The following PHF11 variants were observed in gnomAD, a reference collection of about 807,000 sequenced individuals.
PHF11 encodes PHD finger protein 11, also known as BRCA1 C-terminus-associated protein.
PHF11 carries 38 observed loss-of-function variants against 40.5 expected under a neutral mutation model. The ratio of observed to expected loss-of-function variants is 0.94; its 90% CI spans 0.72 to 1.23. The LOEUF is 1.23. Among genes scored for constraint, PHF11 ranks in the 50% most tolerant of loss-of-function variants. The pLI is 0.00. For synonymous variants in PHF11, 127 were observed against 138.2 expected, an observed-to-expected ratio of 0.92 and a Z score of 0.57; for missense variants, 369 against 392.4, an observed-to-expected ratio of 0.94 and a Z score of 0.50.
chr13:49,520,906 G>A lies in PHF11; in HGVS notation c.471G>A (p.Gln157=). The A allele has an allele frequency of 6.3e-7, 1 of 1,579,148 alleles. No homozygotes were observed. The highest frequency in any genetic ancestry group is 8.7e-7 in the Non-Finnish European group (1 of 1,155,532). Residue 157 remains glutamine (Q), a synonymous_variant, in exon 5 of 10, where the codon CAG becomes CAA. Transcript: ENST00000378319. ...GVRGIYKLLC[Q]QHAQFPIIAQ... is the part of the protein sequence containing the mutation. The stretch of plus-strand genomic sequence containing the variant: ...TTAAATATTTCAGACTGCTTTGCCA[G>A]CAACATGCTCAATTCCCGATCATCG...
intron 1 of PHF11, among the ~76,000 whole-genome samples, chr13:49,499,480 T>A (rs1958872142): frequency 6.6e-6 from 1 of 152,248 alleles, no homozygotes; most frequent in African/African-American, 2.4e-5. Flanking sequence ...CAGTGATGCA[T>A]TCTGTTCCCA....
chr13:49,511,454 G>A (rs546912523), intron 2 of PHF11, among the ~76,000 whole-genome samples: 2 of 151,906 alleles, frequency 1.3e-5, no homozygotes, highest in Non-Finnish European at 2.9e-5. Context: ...AGCCTCGCGA[G>A]TAGCTGGGAT....
chr13:49,506,903 T>TC (rs1423612274), intron 2 of PHF11, 147 bp downstream of exon 2: 28 of 474,272 alleles, frequency 5.9e-5, no homozygotes, highest in Non-Finnish European at 8.6e-5. Context: ...CATTTCTTTT[T>TC]TTTTTTTTTT....
At chr13:49,499,427 C>G (rs3794381) in intron 1 of PHF11, among the ~76,000 whole-genome samples, 109,654 of 152,130 alleles carry the variant, frequency 0.72, 39,668 homozygotes, top group East Asian at 0.82. Flanking sequence ...TCCTCTATAA[C>G]ACACACATCC....
intron 3 of PHF11, among the ~76,000 whole-genome samples, chr13:49,517,023 G>A (rs1003219885): frequency 1.3e-5 from 2 of 151,832 alleles, no homozygotes; most frequent in Non-Finnish European, 2.9e-5. Context: ...TATCTGGTTC[G>A]AGCTTTAATC....
chr13:49,513,394 G>A (rs925782702), intron 3 of PHF11, among the ~76,000 whole-genome samples: 2 of 149,848 alleles, frequency 1.3e-5, no homozygotes, highest in South Asian at 2.1e-4. Flanking sequence ...GCAGTGACAC[G>A]GTCTCAGCTC....
At chr13:49,519,161 C>T (rs1475013162) in intron 4 of PHF11, among the ~76,000 whole-genome samples, 1 of 152,060 alleles carries the variant, frequency 6.6e-6, no homozygotes, top group Non-Finnish European at 1.5e-5. Flanking sequence ...TGATTTCGAG[C>T]AAGTTCCGTA....
rs1310993866 is a variant in PHF11 at position 49,526,394 on chromosome 13, A to C, written c.777A>C (p.Glu259Asp). The C allele has an allele frequency of 6.2e-7, 1 of 1,606,078 alleles. No homozygotes were observed. The highest frequency in any genetic ancestry group is 8.5e-7 in the Non-Finnish European group (1 of 1,172,726). Residue 259 changes from glutamate (E) to aspartate (D), a missense_variant, in exon 9 of 10, where the codon GAA becomes GAC. Physicochemically the swap from Glu to Asp is conservative, Grantham distance 45. Coordinates refer to ENST00000378319, the MANE Select transcript of PHF11 (RefSeq NM_001040443.3). ...MDETTSESDYEEIGSALFDCR... is the reference protein window; with the variant it reads ...MDETTSESDYDEIGSALFDCR... Reference sequence around the variant, plus strand: ...ATGTTTCTCTCCCTCCAGACTATGAAGAAATCGGGAGTGCACTTTTTGACT... The same window carrying C: ...ATGTTTCTCTCCCTCCAGACTATGACGAAATCGGGAGTGCACTTTTTGACT...
intron 1 of PHF11, among the ~76,000 whole-genome samples, chr13:49,497,394 G>T (rs944996849): frequency 3.3e-5 from 5 of 152,018 alleles, no homozygotes; most frequent in Admixed American, 2.0e-4. Flanking sequence ...CATTCCATTC[G>T]CCCAGGTGCT....
At chr13:49,501,982 C>G (rs931575857) in intron 1 of PHF11, among the ~76,000 whole-genome samples, 1 of 151,986 alleles carries the variant, frequency 6.6e-6, no homozygotes, top group African/African-American at 2.4e-5. Flanking sequence ...TGAGCCACCG[C>G]GCCCGGCCAA....
rs539794857 is a variant in PHF11 at position 49,511,622 on chromosome 13, C to T, written c.217-1437C>T. ...GGATTACAGGCGTGAGCCACCGCAC[C>T]CGGCTATTCAGTAATTTTTATCTGT... is the stretch of plus-strand genomic sequence containing the variant. On this transcript the variant is annotated intron_variant, in intron 2 of 9. Coordinates refer to ENST00000378319, the MANE Select transcript of PHF11 (RefSeq NM_001040443.3). Among the ~76,000 whole-genome samples the T allele has an allele frequency of 7.2e-5, 11 of 152,248 alleles. No individual in the cohort carries two copies. The East Asian group carries it at 2.1e-3, about 29-fold the overall frequency.
chr13:49,504,626 T>C (rs12874690), intron 1 of PHF11, among the ~76,000 whole-genome samples: 1 of 146,352 alleles, frequency 6.8e-6, no homozygotes, highest in African/African-American at 2.6e-5. Context: ...AGCCGCCCCG[T>C]CCGGGAGGTG....
intron 9 of PHF11, among the ~76,000 whole-genome samples, chr13:49,527,763 A>G (rs1959369866): frequency 6.6e-6 from 1 of 152,194 alleles, no homozygotes; most frequent in South Asian, 2.1e-4. Context: ...GGGAGTACAT[A>G]TATTATAGTG....
chr13:49,498,418 G>A (rs114364303), intron 1 of PHF11, among the ~76,000 whole-genome samples: 9 of 127,572 alleles, frequency 7.1e-5, no homozygotes, highest in African/African-American at 2.9e-4. Flanking sequence ...TACATTTCCG[G>A]TAGATCATTC....
intron 1 of PHF11, among the ~76,000 whole-genome samples, chr13:49,498,398 A>T (rs1048530707): frequency 7.6e-6 from 1 of 130,840 alleles, no homozygotes; most frequent in African/African-American, 3.8e-5. Flanking sequence ...TCATTCTGAC[A>T]GTAACCTAGT....
At chr13:49,517,087 T>C (rs1411360152) in intron 3 of PHF11, among the ~76,000 whole-genome samples, 1 of 152,228 alleles carries the variant, frequency 6.6e-6, no homozygotes, top group Non-Finnish European at 1.5e-5. Flanking sequence ...ACTTTATTTT[T>C]TTCCTATATA....
At chr13:49,497,951 C>T (rs952313765) in intron 1 of PHF11, among the ~76,000 whole-genome samples, 3 of 152,216 alleles carry the variant, frequency 2.0e-5, no homozygotes, top group Non-Finnish European at 1.5e-5. Context: ...TTCCCTCAAC[C>T]TTGCCTGCCC....
intron 1 of PHF11, 81 bp from the exon 2 acceptor site, chr13:49,506,554 T>G (rs1045582087): frequency 3.9e-6 from 5 of 1,284,948 alleles, no homozygotes; most frequent in Non-Finnish European, 3.4e-6. Context: ...GTGCCCTGCC[T>G]TCCACTTGAA....
intron 4 of PHF11, chr13:49,518,663 G>A (rs1006052932): frequency 6.6e-6 from 1 of 152,144 alleles, no homozygotes; most frequent in African/African-American, 2.4e-5. Context: ...GGAAACTGGG[G>A]CCTTGAGACA....
Sources: allele counts gnomAD v4.1 joint callset (sites outside exome capture counted in the v4.1 genomes callset), GRCh38; gene constraint gnomAD v4.1.1; transcripts MANE v1.5; gene names NCBI Gene and HGNC (gene_info 2026-07-23, HGNC 2026-07-21).